CLEC19A: variants seen among roughly 807,000 people sequenced by gnomAD.
The protein encoded by CLEC19A is C-type lectin domain family 19 member A.
CLEC19A carries 21 observed loss-of-function variants against 26.1 expected under a neutral mutation model. The ratio of observed to expected loss-of-function variants is 0.80; its 90% confidence interval spans 0.57 to 1.16. The LOEUF (loss-of-function observed/expected upper bound fraction) is 1.16. Among genes scored for constraint, CLEC19A ranks in the 50% most tolerant of loss-of-function variants. The probability of loss-of-function intolerance (pLI) is 0.00; values close to 1 mark genes in which losing one functional copy is unlikely to be tolerated. For synonymous variants in CLEC19A, 89 were observed against 88.6 expected (o/e 1.00, Z -0.03); for missense variants, 224 against 227.6 (o/e 0.98, Z 0.10).
chr16:19,300,127 G>A (rs1310655734), intron 2 of CLEC19A, among the ~76,000 whole-genome samples: 1 of 151,966 alleles, frequency 6.6e-6, no homozygotes, highest in East Asian at 1.9e-4. Context: ...GGGAGGCTGG[G>A]GTAGGAGAAT....
At chr16:19,300,935 AC>A (rs2143010279) in intron 2 of CLEC19A, among the ~76,000 whole-genome samples, 1 of 152,272 alleles carries the variant, frequency 6.6e-6, no homozygotes, top group South Asian at 2.1e-4. Flanking sequence ...TCTCCCTCCT[AC>A]CCATCCACCA....
chr16:19,292,011 C>T (rs772731091), intron 1 of CLEC19A, among the ~76,000 whole-genome samples: 41 of 152,190 alleles, frequency 2.7e-4, no homozygotes, highest in Non-Finnish European at 5.1e-4. Context: ...GAGGAGCAGA[C>T]AGGGTTGGAG....
At chr16:19,305,756 C>G (rs924955303) in intron 3 of CLEC19A, among the ~76,000 whole-genome samples, 8 of 152,142 alleles carry the variant, frequency 5.3e-5, no homozygotes, top group South Asian at 2.1e-4. Context: ...TATAGGAACT[C>G]ATTAAGGATG....
At chr16:19,298,182 C>T (rs930091043) in intron 1 of CLEC19A, among the ~76,000 whole-genome samples, 10 of 146,828 alleles carry the variant, frequency 6.8e-5, no homozygotes, top group African/African-American at 2.5e-4. Flanking sequence ...GCGGAGGTTG[C>T]GGTGAGCCGA....
chr16:19,290,139 G>C (rs148793716), intron 1 of CLEC19A, among the ~76,000 whole-genome samples: 6 of 151,924 alleles, frequency 3.9e-5, no homozygotes, highest in South Asian at 2.1e-4. Flanking sequence ...GAGTGGGGGT[G>C]GGGGGGAGCC....
At chr16:19,301,750 T>TTG (rs1241332497) in intron 2 of CLEC19A, among the ~76,000 whole-genome samples, 1 of 130,166 alleles carries the variant, frequency 7.7e-6, no homozygotes, top group African/African-American at 3.0e-5. Flanking sequence ...TTTTTTTTTT[T>TTG]TTTTTTTTTT....
At position 19,300,265 on chromosome 16, in the gene CLEC19A, G is replaced by T. The variant is rs142590122; in HGVS notation, c.254+1427G>T. Among the ~76,000 whole-genome samples, 996 of 151,816 alleles carry T rather than the reference G, an allele frequency of 6.6e-3. 5 individuals carry two copies. Among genetic ancestry groups the T allele is most frequent in the Middle Eastern group, 0.017 (5 of 294 alleles). ...ATAAATAAATAATAAAAAAAAGAAAGGGGTCGGGTGCAGTGTCTCATGCCT... is the reference window on the plus strand; with the variant it reads ...ATAAATAAATAATAAAAAAAAGAAATGGGTCGGGTGCAGTGTCTCATGCCT... On this transcript the variant is annotated intron_variant, in intron 2 of 4. Transcript: ENST00000636231.
rs1465497657 is a variant in CLEC19A, at chr16:19,309,085, C to A, written c.*2C>A. Reference sequence around the variant, plus strand: ...ATCCCATCTCTGACCATTCATTGATCCTGTCTTGTCCTACTGGTGTGAGCT... The same window carrying A: ...ATCCCATCTCTGACCATTCATTGATACTGTCTTGTCCTACTGGTGTGAGCT... On this transcript the variant is annotated 3_prime_UTR_variant, in exon 5 of 5. Transcript: ENST00000636231. 3.9e-6 allele frequency: 6 copies of A among 1,546,582 alleles called. No homozygotes were observed. The highest frequency in any genetic ancestry group is 5.2e-6 in the Non-Finnish European group (6 of 1,145,330).
intron 4 of CLEC19A, among the ~76,000 whole-genome samples, chr16:19,307,992 T>C (rs1897993120): frequency 1.3e-5 from 2 of 152,182 alleles, no homozygotes; most frequent in Non-Finnish European, 1.5e-5. Flanking sequence ...GATGCTTCCA[T>C]GTCAACTCAA....
chr16:19,289,038 A>G (rs549313707), intron 1 of CLEC19A, among the ~76,000 whole-genome samples: 1 of 152,306 alleles, frequency 6.6e-6, no homozygotes, highest in African/African-American at 2.4e-5. Context: ...TCTGTGAAGT[A>G]GGCACTATGA....
At chr16:19,294,587 A>T (rs977067533) in intron 1 of CLEC19A, among the ~76,000 whole-genome samples, 2 of 152,220 alleles carry the variant, frequency 1.3e-5, no homozygotes, top group African/African-American at 2.4e-5. Context: ...GATGACAAAG[A>T]AGTTTACCTC....
intron 1 of CLEC19A, among the ~76,000 whole-genome samples, chr16:19,298,239 A>G (rs768021321): frequency 2.2e-4 from 18 of 80,772 alleles, no homozygotes; most frequent in Non-Finnish European, 3.9e-4. Flanking sequence ...CAAAAACTCA[A>G]TCTCAAAAAA....
intron 3 of CLEC19A, chr16:19,304,396 T>TGA (rs1555468107): frequency 1.0e-5 from 2 of 193,918 alleles, no homozygotes; most frequent in East Asian, 2.5e-4. Context: ...TGGGTTCTCT[T>TGA]AAAAAAAAAA....
At chr16:19,306,007 C>A (rs1012570977) in intron 3 of CLEC19A, among the ~76,000 whole-genome samples, 1 of 151,776 alleles carries the variant, frequency 6.6e-6, no homozygotes, top group African/African-American at 2.4e-5. Context: ...CCATGCCCGG[C>A]TAATTTTTTG....
At chr16:19,286,809 A>T (rs1897479622) in intron 1 of CLEC19A, among the ~76,000 whole-genome samples, 1 of 152,168 alleles carries the variant, frequency 6.6e-6, no homozygotes, top group Admixed American at 6.5e-5. Flanking sequence ...AAATACCTAG[A>T]TGGAGATTCT....
intron 2 of CLEC19A, among the ~76,000 whole-genome samples, chr16:19,303,316 C>A (rs74011580): frequency 8.9e-4 from 135 of 152,322 alleles, no homozygotes; most frequent in African/African-American, 3.0e-3. Flanking sequence ...CACCTATCCA[C>A]CTACCCATTC....
At chr16:19,292,634 G>A (rs138573552) in intron 1 of CLEC19A, among the ~76,000 whole-genome samples, 2 of 152,332 alleles carry the variant, frequency 1.3e-5, no homozygotes, top group East Asian at 1.9e-4. Flanking sequence ...GGGGATAGAG[G>A]AGGAATGTGT....
At chr16:19,294,582 CAAA>C (rs1897665017) in intron 1 of CLEC19A, among the ~76,000 whole-genome samples, 1 of 152,190 alleles carries the variant, frequency 6.6e-6, no homozygotes, top group East Asian at 1.9e-4. Flanking sequence ...AGAAAGATGA[CAAA>C]GAAGTTTACC....
Position 19,298,839 on chromosome 16 carries a change from G to A in CLEC19A, c.254+1G>A. The A allele has an allele frequency of 6.5e-7, 1 of 1,549,918 alleles. No homozygotes were observed. The highest frequency in any genetic ancestry group is 1.2e-5 in the South Asian group (1 of 83,980). On this transcript the variant is annotated splice_donor_variant, in intron 2 of 4. Transcript: ENST00000636231. LOFTEE classifies it high-confidence loss of function. ...CCGCCAAGCTGGCCTCCATCCACAG[G>A]TAAGTGGGATCCCCAGTGCCCCATA...
Sources: gnomAD v4.1 joint callset for allele counts (sites outside exome capture counted in the v4.1 genomes callset) on GRCh38, gnomAD v4.1.1 for gene constraint, MANE v1.5 for transcripts, NCBI Gene and HGNC (gene_info 2026-07-23, HGNC 2026-07-21) for gene names.